PTPRN2: variants seen among roughly 807,000 people sequenced by gnomAD.
PTPRN2 encodes receptor-type tyrosine-protein phosphatase N2.
In PTPRN2, 74 loss-of-function variants were observed where a neutral mutation model predicts 118.8. The ratio of observed to expected loss-of-function variants is 0.62; its 90% CI spans 0.52 to 0.76. The LOEUF (loss-of-function observed/expected upper bound fraction) is 0.76. Ranked by LOEUF, PTPRN2 falls within the 30% of genes least tolerant of loss-of-function variation. The probability of loss-of-function intolerance (pLI) is 0.00; values close to 1 mark genes in which losing one functional copy is unlikely to be tolerated. For synonymous variants in PTPRN2, 641 were observed against 608.0 expected (o/e 1.05, Z -0.80); for missense variants, 1,481 against 1,394.4 (o/e 1.06, Z -0.99).
chr7:158,164,507 T>G (rs1351670729), intron 6 of PTPRN2, among the ~76,000 whole-genome samples: 2 of 137,736 alleles, frequency 1.5e-5, no homozygotes, highest in Non-Finnish European at 3.1e-5. Flanking sequence ...AGCGCGCGCG[T>G]AGGGAGGGCT....
chr7:158,335,432 G>A (rs1183635514), intron 2 of PTPRN2, among the ~76,000 whole-genome samples: 1 of 37,324 alleles, frequency 2.7e-5, no homozygotes, highest in African/African-American at 9.1e-5. Context: ...TCAACCATAA[G>A]AGGTGACACA....
chr7:158,091,816 ATGGT>A (rs1238564854), intron 10 of PTPRN2, among the ~76,000 whole-genome samples: 1 of 119,106 alleles, frequency 8.4e-6, no homozygotes, highest in East Asian at 3.0e-4. Context: ...GGGTAGAGAG[ATGGT>A]TGGGTGAGTG....
chr7:158,134,845 A>G (rs6944055), intron 8 of PTPRN2, among the ~76,000 whole-genome samples: 51,464 of 151,936 alleles, frequency 0.34, 8,964 homozygotes, highest in East Asian at 0.5. Context: ...GGTGAGTTTC[A>G]CCTTTAATTT....
At chr7:157,616,840 AGTTT>A (rs1475233123) in intron 15 of PTPRN2, 2 of 151,294 alleles carry the variant, frequency 1.3e-5, no homozygotes, top group Non-Finnish European at 2.9e-5. Context: ...CTCTGTTTAG[AGTTT>A]TGGGAGAGAA....
rs376992018 is a variant in PTPRN2, at chr7:157,560,052, G to A, written c.2902+8850C>T. The stretch of plus-strand genomic sequence containing the variant: ...GGAGCTTGCAGAAGGGACAGCCCTC[G>A]GCCAGGTGGGACCTGAACGACATTT... On this transcript the variant is annotated intron_variant, in intron 21 of 22. Coordinates refer to ENST00000389418, the MANE Select transcript of PTPRN2 (RefSeq NM_002847.5). The surrounding 1 kb of genome is among the most constrained non-coding windows in gnomAD (Gnocchi z 6.7). Among the ~76,000 whole-genome samples the A allele has an allele frequency of 5.3e-3, 809 of 152,326 alleles. 5 individuals are homozygous for A. Among genetic ancestry groups the A allele is most frequent in the Admixed American group, 8.2e-3 (125 of 15,312 alleles).
At chr7:158,370,510 T>C (rs1178632750) in intron 2 of PTPRN2, among the ~76,000 whole-genome samples, 1 of 149,778 alleles carries the variant, frequency 6.7e-6, no homozygotes, top group Non-Finnish European at 1.5e-5. Flanking sequence ...CCCAGCACTT[T>C]GGGAGGCCGA....
intron 2 of PTPRN2, among the ~76,000 whole-genome samples, chr7:158,424,796 G>A (rs569399391): frequency 6.6e-6 from 1 of 151,226 alleles, no homozygotes; most frequent in Non-Finnish European, 1.5e-5. Context: ...CCCACGCCAG[G>A]TGTGCTCAGC....
chr7:158,419,957 G>A lies in PTPRN2; in HGVS notation c.163+69778C>T, dbSNP rs1295582919. On this transcript the variant is annotated intron_variant, in intron 2 of 22. Coordinates refer to ENST00000389418, the MANE Select transcript of PTPRN2 (RefSeq NM_002847.5). ...GGACCCCGAGCTGTGCCTGAACCTC[G>A]GTGCCTGCATTCTTTACTCAACAGG... Among the ~76,000 whole-genome samples the A allele has an allele frequency of 7.2e-5, 11 of 152,208 alleles. No homozygotes were observed. The South Asian group carries it at 1.5e-3, about 20-fold the overall frequency.
At chr7:157,744,201 G>A (rs1414101480) in intron 12 of PTPRN2, among the ~76,000 whole-genome samples, 2 of 152,228 alleles carry the variant, frequency 1.3e-5, no homozygotes, top group African/African-American at 4.8e-5. Context: ...GCGGGCGCGA[G>A]GTGGTCCAGG....
chr7:158,182,162 T>C (rs1824765350), intron 5 of PTPRN2, among the ~76,000 whole-genome samples: 1 of 152,244 alleles, frequency 6.6e-6, no homozygotes, highest in African/African-American at 2.4e-5. Flanking sequence ...TTGATTTTAC[T>C]GTTAACCCAA....
chr7:157,543,759 C>T (rs73181271), intron 22 of PTPRN2, among the ~76,000 whole-genome samples: 59,322 of 152,100 alleles, frequency 0.39, 12,492 homozygotes, highest in Middle Eastern at 0.57. Context: ...CACATAACTG[C>T]GGGGCAGCTT....
chr7:158,561,762 G>A (rs911841068), intron 1 of PTPRN2, among the ~76,000 whole-genome samples: 9 of 152,120 alleles, frequency 5.9e-5, no homozygotes, highest in Admixed American at 1.3e-4. Context: ...AGACACTTCC[G>A]ACAGGGGAGA....
intron 2 of PTPRN2, among the ~76,000 whole-genome samples, chr7:158,373,356 C>A (rs1235090334): frequency 6.7e-6 from 1 of 150,194 alleles, no homozygotes; most frequent in Non-Finnish European, 1.5e-5. Flanking sequence ...CACTTCTATT[C>A]CAACTGAGTG....
rs142880269 is a variant in PTPRN2, at chr7:157,543,087, T to C, written c.2977-2302A>G. Among the ~76,000 whole-genome samples, 7 of 152,270 alleles carry C rather than the reference T, an allele frequency of 4.6e-5. No individual in the cohort carries two copies. The East Asian group carries it at 1.3e-3, about 29-fold the overall frequency. On this transcript the variant is annotated intron_variant, in intron 22 of 22. Coordinates refer to ENST00000389418, the MANE Select transcript of PTPRN2 (RefSeq NM_002847.5). Reference sequence around the variant, plus strand: ...GGTAGGCTGGGAAAACCCCAGCATTTGGATAACTTTTATGATAGGAGTTTA... The same window carrying C: ...GGTAGGCTGGGAAAACCCCAGCATTCGGATAACTTTTATGATAGGAGTTTA...
rs916798106 is a variant in PTPRN2 at position 158,056,752 on chromosome 7, G to GC, written c.1723+24545dup. On this transcript the variant is annotated intron_variant, in intron 11 of 22. Transcript: ENST00000389418. ...TTGTTCAGTGCCTACAATCAACACAGCAGGACAGTGGCTCTCCCTGGCAGT... is the reference window on the plus strand; with the variant it reads ...TTGTTCAGTGCCTACAATCAACACAGCCAGGACAGTGGCTCTCCCTGGCAGT... Among the ~76,000 whole-genome samples the GC allele has an allele frequency of 3.1e-4, 47 of 152,304 alleles. No homozygotes were observed. In the Middle Eastern group the frequency reaches 0.01, roughly 33 times the overall value.
rs1475781640 is a variant in PTPRN2, at chr7:157,809,874, G to T, written c.1788+88799C>A. 3.9e-5 allele frequency among the ~76,000 whole-genome samples: 6 copies of T among 152,198 alleles called. No individual in the cohort carries two copies. The South Asian group carries it at 8.3e-4, about 21-fold the overall frequency. On this transcript the variant is annotated intron_variant, in intron 12 of 22. Coordinates refer to ENST00000389418, the MANE Select transcript of PTPRN2 (RefSeq NM_002847.5). Reference sequence around the variant, plus strand: ...GAAACCGTCTCACTGGCCCAGTCCTGCTGGGCCCTGCCCATGGGATGGACT... The same window carrying T: ...GAAACCGTCTCACTGGCCCAGTCCTTCTGGGCCCTGCCCATGGGATGGACT...
intron 21 of PTPRN2, among the ~76,000 whole-genome samples, chr7:157,549,445 T>G (rs1470573039): frequency 1.3e-5 from 2 of 152,120 alleles, no homozygotes; most frequent in African/African-American, 4.8e-5. Flanking sequence ...CAGATTAATT[T>G]AGATTAATGG....
At chr7:157,914,303 C>G (rs763424680) in intron 11 of PTPRN2, among the ~76,000 whole-genome samples, 1 of 152,138 alleles carries the variant, frequency 6.6e-6, no homozygotes, top group Non-Finnish European at 1.5e-5. Context: ...AGGTGTAGAG[C>G]CTTTTTCACT....
At chr7:157,728,290 C>T (rs960133684) in intron 12 of PTPRN2, among the ~76,000 whole-genome samples, 1 of 152,244 alleles carries the variant, frequency 6.6e-6, no homozygotes, top group Non-Finnish European at 1.5e-5. Flanking sequence ...ATGTGGCCAG[C>T]AGCAAGGGCT....
Sources: allele counts gnomAD v4.1 joint callset (sites outside exome capture counted in the v4.1 genomes callset), GRCh38; gene constraint gnomAD v4.1.1; non-coding constraint Gnocchi (gnomAD v3.1); transcripts MANE v1.5; gene names NCBI Gene and HGNC (gene_info 2026-07-23, HGNC 2026-07-21).